DNAAF5: variants seen among roughly 807,000 people sequenced by gnomAD.
The protein encoded by DNAAF5 is dynein axonemal assembly factor 5, also known as HEAT repeat containing 2.
In DNAAF5, 64 loss-of-function variants were observed where a neutral mutation model predicts 75.8. The ratio of observed to expected loss-of-function variants is 0.84; its 90% CI spans 0.69 to 1.04. DNAAF5 has a LOEUF of 1.04. DNAAF5 is among the 50% of genes least tolerant of loss of function. The pLI is 0.00. For missense variants in DNAAF5, 1,269 were observed against 1,178.5 expected, an observed-to-expected ratio of 1.08 and a Z score of -1.12; for synonymous variants, 657 against 557.2, an observed-to-expected ratio of 1.18 and a Z score of -2.52.
chr7:783,815 C>T (rs73260384), intron 12 of DNAAF5, among the ~76,000 whole-genome samples: 3 of 152,088 alleles, frequency 2.0e-5, no homozygotes, highest in Non-Finnish European at 4.4e-5. Context: ...CTGAGCTTCT[C>T]CTACTCTCAG....
intron 12 of DNAAF5, among the ~76,000 whole-genome samples, chr7:780,769 C>T (rs912752661): frequency 3.3e-5 from 5 of 151,990 alleles, no homozygotes; most frequent in African/African-American, 4.8e-5. Flanking sequence ...ACGCTCAGTG[C>T]ATTAAAATCC....
At chr7:735,359 C>A (rs911236145) in intron 2 of DNAAF5, among the ~76,000 whole-genome samples, 1 of 147,676 alleles carries the variant, frequency 6.8e-6, no homozygotes, top group Non-Finnish European at 1.5e-5. Context: ...CTCATGGTGT[C>A]GTTGCTCATA....
chr7:731,184 A>G (rs1781551791), intron 2 of DNAAF5, among the ~76,000 whole-genome samples: 1 of 152,124 alleles, frequency 6.6e-6, no homozygotes, highest in Admixed American at 6.5e-5. Flanking sequence ...TTACTCCTCA[A>G]AACAGTGTGA....
At chr7:756,709 C>T (rs1782495767) in intron 5 of DNAAF5, 73 bp from the exon 6 acceptor site, 18 of 1,425,456 alleles carry the variant, frequency 1.3e-5, no homozygotes, top group Non-Finnish European at 1.8e-5. Context: ...TGGGAGGCCA[C>T]GGCGCCGAGA....
intron 8 of DNAAF5, among the ~76,000 whole-genome samples, chr7:769,604 C>G (rs563035160): frequency 6.4e-4 from 98 of 152,314 alleles, no homozygotes; most frequent in African/African-American, 2.3e-3. Context: ...GTTGTTTCAA[C>G]TATTGCTTGA....
chr7:759,402 G>T (rs1469540096), intron 6 of DNAAF5, among the ~76,000 whole-genome samples: 1 of 152,132 alleles, frequency 6.6e-6, no homozygotes, highest in Non-Finnish European at 1.5e-5. Flanking sequence ...AGGAGTTTAG[G>T]ACAGGTGTCT....
At chr7:730,328 G>A (rs926123273) in intron 2 of DNAAF5, among the ~76,000 whole-genome samples, 1 of 152,104 alleles carries the variant, frequency 6.6e-6, no homozygotes, top group African/African-American at 2.4e-5. Context: ...CTTTACTGCT[G>A]GCAGAATCTG....
intron 6 of DNAAF5, among the ~76,000 whole-genome samples, chr7:759,610 G>A (rs762767224): frequency 6.6e-6 from 1 of 152,214 alleles, no homozygotes; most frequent in Non-Finnish European, 1.5e-5. Flanking sequence ...ATTTCCTGCT[G>A]TATCTTTTTT....
In DNAAF5 at chr7:742,336, G is replaced by T. The variant is rs1042773135; in HGVS notation, c.1024+871G>T. On this transcript the variant is annotated intron_variant, in intron 4 of 12. Transcript: ENST00000297440. The stretch of plus-strand genomic sequence containing the variant: ...ATCAGATGCCCAGCTCAAATCAGAC[G>T]CCCAGCTCAAATCACATGCCCAGCT... Among the ~76,000 whole-genome samples the T allele has an allele frequency of 2.0e-5, 3 of 150,836 alleles. No individual in the cohort carries two copies. The East Asian group carries it at 5.9e-4, about 30-fold the overall frequency.
chr7:777,928 C>T (rs907030472), intron 11 of DNAAF5, among the ~76,000 whole-genome samples: 1 of 152,038 alleles, frequency 6.6e-6, no homozygotes, highest in African/African-American at 2.4e-5. Flanking sequence ...CCGAGTGGGC[C>T]GAGAGGCTCC....
intron 8 of DNAAF5, among the ~76,000 whole-genome samples, chr7:769,519 T>C (rs1778481809): frequency 6.6e-6 from 1 of 151,892 alleles, no homozygotes; most frequent in Non-Finnish European, 1.5e-5. Flanking sequence ...GCCCTGAGTG[T>C]GGGCGGGGTG....
Position 785,201 on chromosome 7 carries a change from C to T in DNAAF5, c.2432-316C>T, listed in dbSNP as rs78022191. ...ACCCATCCAGCAGGATCAGGTCATT[C>T]GTATCCACATTGTGACTACTGGGTC... is the stretch of plus-strand genomic sequence containing the variant. On this transcript the variant is annotated intron_variant, in intron 12 of 12. Transcript: ENST00000297440. Among the ~76,000 whole-genome samples the T allele has an allele frequency of 0.013, 1,941 of 152,204 alleles. 38 individuals carry two copies. The highest frequency in any genetic ancestry group is 0.12 in the East Asian group (596 of 5,162).
At chr7:779,122 C>A (rs1456024356) in intron 11 of DNAAF5, among the ~76,000 whole-genome samples, 21 of 152,260 alleles carry the variant, frequency 1.4e-4, no homozygotes. Context: ...GTTTTTCATG[C>A]CTTTCGTTAC....
intron 12 of DNAAF5, among the ~76,000 whole-genome samples, chr7:780,795 A>T (rs188279951): frequency 6.8e-6 from 1 of 147,104 alleles, no homozygotes; most frequent in African/African-American, 2.5e-5. Flanking sequence ...TCCATCTCAC[A>T]CTTGGAATGT....
Position 775,095 on chromosome 7 carries a change from T to C in DNAAF5, c.2172T>C (p.Ile724=), listed in dbSNP as rs1373036776. The C allele has an allele frequency of 1.9e-6, 3 of 1,613,982 alleles. No homozygotes were observed. The highest frequency in any genetic ancestry group is 2.7e-5 in the African/African-American group (2 of 74,906). The stretch of plus-strand genomic sequence containing the variant: ...TGACGCGACTGATCTCATGCCGTAT[T>C]ATCAACACGTTCTTAAAAACCTCGG... ...SKMTRLISCR[I]INTFLKTSGG... The change falls in exon 11 of 13, where the codon ATT becomes ATC. Residue 724 remains isoleucine (I), a synonymous_variant. Transcript: ENST00000297440.
At chr7:740,067 G>T (rs556966620) in intron 2 of DNAAF5, among the ~76,000 whole-genome samples, 1 of 152,094 alleles carries the variant, frequency 6.6e-6, no homozygotes, top group Non-Finnish European at 1.5e-5. Flanking sequence ...TCTGTAGCTC[G>T]TTCACACCCC....
rs1562407347 is a variant in DNAAF5, at chr7:786,238, G to T, written c.*585G>T. 1 of 152,356 alleles carries T rather than the reference G, an allele frequency of 6.6e-6. No homozygotes were observed. The highest frequency in any genetic ancestry group is 6.5e-5 in the Admixed American group (1 of 15,288). The allele number at this position is 152,356 out of a possible 1,614,324, so 9.4% of individuals were successfully genotyped here. ...TTAAGTCGGTGTTAATGCTAACAGT[G>T]TTGAAAACAATATTTCATGAGATCT... On this transcript the variant is annotated 3_prime_UTR_variant, in exon 13 of 13. Transcript: ENST00000297440.
intron 8 of DNAAF5, among the ~76,000 whole-genome samples, chr7:770,229 G>A (rs932108533): frequency 6.6e-6 from 1 of 152,228 alleles, no homozygotes; most frequent in Admixed American, 6.5e-5. Flanking sequence ...TGGGATTATA[G>A]GCATGAGCCA....
At chr7:765,726 G>C (rs35928068) in intron 8 of DNAAF5, among the ~76,000 whole-genome samples, 21,180 of 152,038 alleles carry the variant, frequency 0.14, 1,692 homozygotes, top group East Asian at 0.28. Flanking sequence ...TTTTTGAGAC[G>C]GTCTCACGCT....
Sources: allele counts gnomAD v4.1 joint callset (sites outside exome capture counted in the v4.1 genomes callset), GRCh38; gene constraint gnomAD v4.1.1; transcripts MANE v1.5; gene names NCBI Gene and HGNC (gene_info 2026-07-23, HGNC 2026-07-21).